The following KHDRBS3 variants were observed in gnomAD, a reference collection of about 807,000 sequenced individuals.
KHDRBS3 encodes the protein KH domain-containing, RNA-binding, signal transduction-associated protein 3.
Under a neutral mutation model 45.6 loss-of-function variants are expected in KHDRBS3, and 23 were observed. That is an observed-to-expected ratio of 0.50 (90% CI 0.36 to 0.72). The LOEUF is 0.72. Among genes scored for constraint, KHDRBS3 ranks in the 30% least tolerant of loss-of-function variants. The probability of loss-of-function intolerance (pLI) is 0.00; values close to 1 mark genes in which losing one functional copy is unlikely to be tolerated. For missense variants in KHDRBS3, 352 were observed against 424.8 expected (o/e 0.83, Z 1.51); for synonymous variants, 162 against 156.5 (o/e 1.04, Z -0.26).
chr8:135,468,931 A>T (rs145592907), intron 1 of KHDRBS3, among the ~76,000 whole-genome samples: 1 of 152,324 alleles, frequency 6.6e-6, no homozygotes, highest in East Asian at 1.9e-4. Context: ...TAATACTGAG[A>T]AAAATGATTT....
chr8:135,617,193 G>A (rs1829953485), intron 7 of KHDRBS3, among the ~76,000 whole-genome samples: 1 of 151,826 alleles, frequency 6.6e-6, no homozygotes, highest in Admixed American at 6.6e-5. Context: ...TGTAGTAGGT[G>A]TTTACCATTG....
chr8:135,591,234 A>G (rs542061213), intron 6 of KHDRBS3, among the ~76,000 whole-genome samples: 1 of 152,326 alleles, frequency 6.6e-6, no homozygotes, highest in East Asian at 1.9e-4. Flanking sequence ...ATGTATTCTA[A>G]TGGAGAAGCT....
chr8:135,487,333 T>A (rs952026128), intron 1 of KHDRBS3, among the ~76,000 whole-genome samples: 3 of 152,214 alleles, frequency 2.0e-5, no homozygotes, highest in Non-Finnish European at 4.4e-5. Context: ...CATTCTTGTG[T>A]CTCTTTCTGC....
chr8:135,514,461 A>G (rs59702950), intron 1 of KHDRBS3, among the ~76,000 whole-genome samples: 14,986 of 152,234 alleles, frequency 0.098, 1,359 homozygotes, highest in African/African-American at 0.24. Flanking sequence ...TAAGCCAAGC[A>G]TGGAAAGACA....
intron 1 of KHDRBS3, among the ~76,000 whole-genome samples, chr8:135,517,828 A>C (rs1251963859): frequency 6.6e-6 from 1 of 152,214 alleles, no homozygotes; most frequent in Non-Finnish European, 1.5e-5. Context: ...AAATTTAAAA[A>C]AAATCTTAAA....
intron 7 of KHDRBS3, among the ~76,000 whole-genome samples, chr8:135,633,650 T>C (rs1830694836): frequency 6.6e-6 from 1 of 152,236 alleles, no homozygotes; most frequent in Non-Finnish European, 1.5e-5. Flanking sequence ...ATCTGTTTTC[T>C]CAGCTATCAT....
At chr8:135,499,224 A>C (rs1451487317) in intron 1 of KHDRBS3, among the ~76,000 whole-genome samples, 1 of 152,190 alleles carries the variant, frequency 6.6e-6, no homozygotes, top group Non-Finnish European at 1.5e-5. Flanking sequence ...CATGTAGGTA[A>C]TACCAGTATC....
chr8:135,625,473 C>A, intron 7 of KHDRBS3: 1 of 781,566 alleles, frequency 1.3e-6, no homozygotes, highest in East Asian at 2.4e-5. Flanking sequence ...TTAGGAGCCA[C>A]AGCAGTTCTC....
chr8:135,542,996 G>A (rs1261048516), intron 3 of KHDRBS3, among the ~76,000 whole-genome samples: 2 of 152,098 alleles, frequency 1.3e-5, no homozygotes, highest in African/African-American at 2.4e-5. Context: ...AGTTTTGATT[G>A]CAGTTGTAAT....
downstream of KHDRBS3, among the ~76,000 whole-genome samples, chr8:135,650,583 C>T (rs946882932): frequency 6.6e-6 from 1 of 152,122 alleles, no homozygotes; most frequent in African/African-American, 2.4e-5. Context: ...TGCTCATGTA[C>T]CTTATAACTG....
chr8:135,481,250 A>ATATATATATATATATATGTATATATT (rs1285436029), intron 1 of KHDRBS3, among the ~76,000 whole-genome samples: 1 of 125,562 alleles, frequency 8.0e-6, no homozygotes, highest in Non-Finnish European at 1.6e-5. Context: ...ATATATATAT[A>ATATATATATATATATATGTATATATT]TTTAATGTAA....
intron 1 of KHDRBS3, among the ~76,000 whole-genome samples, chr8:135,513,099 C>A (rs374324525): frequency 2.0e-4 from 31 of 152,044 alleles, no homozygotes; most frequent in Admixed American, 1.1e-3. Context: ...ACTCAGGAGG[C>A]TGAGGCAGGA....
In KHDRBS3 at chr8:135,503,395, A is replaced by G. The variant is rs996188787; in HGVS notation, c.89-17842A>G. ...GCTTAAGAGAGCTAGCCAGGCTACA[A>G]AAGGCCTAACTCTGTAGCCTTGGTT... On this transcript the variant is annotated intron_variant, in intron 1 of 8. Coordinates refer to ENST00000355849, the MANE Select transcript of KHDRBS3 (RefSeq NM_006558.3). 6.6e-5 allele frequency among the ~76,000 whole-genome samples: 10 copies of G among 152,132 alleles called. No individual in the cohort carries two copies. In the South Asian group the frequency reaches 2.1e-3, roughly 32 times the overall value.
At chr8:135,574,006 G>T (rs960947068) in intron 5 of KHDRBS3, among the ~76,000 whole-genome samples, 19 of 152,148 alleles carry the variant, frequency 1.2e-4, no homozygotes, top group African/African-American at 4.6e-4. Context: ...TTTAAAAAAA[G>T]TGTCATTGAT....
downstream of KHDRBS3, chr8:135,648,393 A>G (rs1831363385): frequency 6.6e-6 from 1 of 152,342 alleles, no homozygotes; most frequent in Non-Finnish European, 1.5e-5. Flanking sequence ...AATTGAGGGC[A>G]CTTCTTAAAA....
chr8:135,531,725 A>T (rs1217819520), intron 2 of KHDRBS3, among the ~76,000 whole-genome samples: 3 of 152,194 alleles, frequency 2.0e-5, no homozygotes, highest in Admixed American at 6.5e-5. Flanking sequence ...AGTCTTTAAG[A>T]ATAAATTCAG....
chr8:135,614,099 G>A (rs535007047), intron 7 of KHDRBS3, among the ~76,000 whole-genome samples: 1 of 151,984 alleles, frequency 6.6e-6, no homozygotes, highest in African/African-American at 2.4e-5. Context: ...TAAAACAAAA[G>A]TATCGTTTAT....
chr8:135,513,594 T>C (rs1350935733), intron 1 of KHDRBS3, among the ~76,000 whole-genome samples: 1 of 152,206 alleles, frequency 6.6e-6, no homozygotes, highest in Non-Finnish European at 1.5e-5. Flanking sequence ...TTTTTTTTAC[T>C]GAGAAAGTTC....
intron 7 of KHDRBS3, among the ~76,000 whole-genome samples, chr8:135,611,960 C>T (rs908094467): frequency 2.6e-5 from 4 of 151,974 alleles, no homozygotes; most frequent in Middle Eastern, 3.4e-3. Context: ...GAAATCATCA[C>T]GGCCATCATC....
Sources: gnomAD v4.1 joint callset for allele counts (sites outside exome capture counted in the v4.1 genomes callset) on GRCh38, gnomAD v4.1.1 for gene constraint, MANE v1.5 for transcripts, NCBI Gene and HGNC (gene_info 2026-07-23, HGNC 2026-07-21) for gene names.